The following LRP2 variants were observed in gnomAD, a reference collection of about 807,000 sequenced individuals.
The protein encoded by LRP2 is low-density lipoprotein receptor-related protein 2.
Under a neutral mutation model 531.0 loss-of-function variants are expected in LRP2, and 172 were observed. That is an observed-to-expected ratio of 0.32 (90% confidence interval 0.29 to 0.37). The LOEUF (loss-of-function observed/expected upper bound fraction) is 0.37. Among genes scored for constraint, LRP2 ranks in the 10% least tolerant of loss-of-function variants. The probability of loss-of-function intolerance (pLI) is 1.00; values close to 1 mark genes in which losing one functional copy is unlikely to be tolerated. For synonymous variants in LRP2, 1,992 were observed against 2,027.6 expected (o/e 0.98, Z 0.47); for missense variants, 5,167 against 5,868.3 (o/e 0.88, Z 3.90).
rs375687967 is a variant in LRP2 at position 169,193,742 on chromosome 2, A to C, written c.8830+19T>G. 78 of 1,613,964 alleles carry C rather than the reference A, an allele frequency of 4.8e-5. No homozygotes were observed. Among genetic ancestry groups the C allele is most frequent in the Non-Finnish European group, 6.4e-5 (76 of 1,179,940 alleles). On this transcript the variant is annotated intron_variant, in intron 47 of 78. Transcript: ENST00000649046. ...CCCTGGAATGTGACTCTGCAGAGGA[A>C]TTAATTGGCTTCACTTACGACACTG...
At chr2:169,308,005 A>G (rs1684474186) in intron 3 of LRP2, among the ~76,000 whole-genome samples, 1 of 152,170 alleles carries the variant, frequency 6.6e-6, no homozygotes, top group African/African-American at 2.4e-5. Flanking sequence ...AATCCAGTGA[A>G]CTGATGCCCG....
Position 169,172,150 on chromosome 2 carries a change from T to C in LRP2, c.11144-16A>G. 1 of 1,614,064 alleles carries C rather than the reference T, an allele frequency of 6.2e-7. No homozygotes were observed. The highest frequency in any genetic ancestry group is 8.5e-7 in the Non-Finnish European group (1 of 1,179,946). On this transcript the variant is annotated splice_polypyrimidine_tract_variant and intron_variant, in intron 57 of 78. Coordinates refer to ENST00000649046, the MANE Select transcript of LRP2 (RefSeq NM_004525.3). ...GTCCTCTCCTCTGCAAAGCAGTCAT[T>C]GCAAAGACTTCATAAACCATTGGCA...
At chr2:169,292,492 T>C in intron 6 of LRP2, 123 bp from the exon 7 acceptor site, 1 of 719,440 alleles carries the variant, frequency 1.4e-6, no homozygotes, top group Non-Finnish European at 2.5e-6. Context: ...TTTAATCCCT[T>C]AGACATCTTG....
intron 36 of LRP2, 106 bp from the exon 37 acceptor site, chr2:169,212,313 A>G: frequency 7.0e-7 from 1 of 1,422,994 alleles, no homozygotes; most frequent in Non-Finnish European, 9.9e-7. Context: ...AAAAATTAAT[A>G]ACCAACATAT....
intron 63 of LRP2, among the ~76,000 whole-genome samples, chr2:169,160,524 A>G (rs560639030): frequency 6.6e-6 from 1 of 152,256 alleles, no homozygotes; most frequent in African/African-American, 2.4e-5. Flanking sequence ...AAAGGCAAAT[A>G]AATTAACAGC....
intron 63 of LRP2, among the ~76,000 whole-genome samples, chr2:169,158,087 C>CAA: frequency 6.6e-6 from 1 of 151,276 alleles, no homozygotes; most frequent in Non-Finnish European, 1.5e-5. Flanking sequence ...CACACACACA[C>CAA]ACACACACAC....
chr2:169,340,125 T>C lies in LRP2; in HGVS notation c.80-19241A>G, dbSNP rs528496282. Among the ~76,000 whole-genome samples the C allele has an allele frequency of 2.8e-4, 42 of 152,282 alleles. No individual in the cohort carries two copies. In the East Asian group the frequency reaches 3.1e-3, roughly 11 times the overall value. On this transcript the variant is annotated intron_variant, in intron 1 of 78. Coordinates refer to ENST00000649046, the MANE Select transcript of LRP2 (RefSeq NM_004525.3). Reference sequence around the variant, plus strand: ...TTATCCTTCTTCATATAATAGTTCCTCAAATATTTGGAGAGCTAACCATTG... The same window carrying C: ...TTATCCTTCTTCATATAATAGTTCCCCAAATATTTGGAGAGCTAACCATTG...
chr2:169,192,553 C>T (rs894733498), intron 47 of LRP2, among the ~76,000 whole-genome samples: 1 of 152,096 alleles, frequency 6.6e-6, no homozygotes, highest in Non-Finnish European at 1.5e-5. Context: ...AAATTTAGTG[C>T]TTTTCCAACT....
intron 48 of LRP2, among the ~76,000 whole-genome samples, chr2:169,188,944 G>T (rs913755128): frequency 6.6e-6 from 1 of 152,196 alleles, no homozygotes; most frequent in Non-Finnish European, 1.5e-5. Context: ...ATAAAGGCAA[G>T]CTAGTAGGTT....
chr2:169,305,334 A>G (rs548047379), intron 4 of LRP2, among the ~76,000 whole-genome samples: 5 of 152,348 alleles, frequency 3.3e-5, no homozygotes, highest in Admixed American at 2.6e-4. Flanking sequence ...TTTGAAATGT[A>G]CAGTGACTAG....
intron 4 of LRP2, among the ~76,000 whole-genome samples, chr2:169,306,264 T>C (rs1461239350): frequency 6.6e-6 from 1 of 152,146 alleles, no homozygotes; most frequent in African/African-American, 2.4e-5. Flanking sequence ...CCAGACACAG[T>C]GGCTCATGCC....
intron 2 of LRP2, among the ~76,000 whole-genome samples, chr2:169,319,959 A>G (rs1684867084): frequency 6.6e-6 from 1 of 152,202 alleles, no homozygotes; most frequent in Non-Finnish European, 1.5e-5. Flanking sequence ...CCAACAATTC[A>G]AAACAAAAAT....
rs757735683 is a variant in LRP2 at position 169,193,864 on chromosome 2, A to G, written c.8727T>C (p.Asp2909=). 2.5e-6 allele frequency: 4 copies of G among 1,614,176 alleles called. No individual in the cohort carries two copies. Among genetic ancestry groups the G allele is most frequent in the Non-Finnish European group, 3.4e-6 (4 of 1,180,006 alleles). ...CGHSERTCLA[D]EFKCDGGRCI... Reference sequence around the variant, plus strand: ...ACCTCCCACCATCACACTTGAACTCATCAGCTAGGCATGTTCGCTCAGAGT... The same window carrying G: ...ACCTCCCACCATCACACTTGAACTCGTCAGCTAGGCATGTTCGCTCAGAGT... Residue 2909 remains aspartate (D), a synonymous_variant, in exon 47 of 79, where the codon GAT becomes GAC. Coordinates refer to ENST00000649046, the MANE Select transcript of LRP2 (RefSeq NM_004525.3).
rs955275980 is a variant in LRP2, at chr2:169,202,701, A to C, written c.8209+55T>G. On this transcript the variant is annotated intron_variant, in intron 43 of 78. Transcript: ENST00000649046. ...CACATAGCAGGATTCCATACCAAAC[A>C]CTTGACATCAAGATGCCATTAGCTC... 5 of 1,554,176 alleles carry C rather than the reference A, an allele frequency of 3.2e-6. No homozygotes were observed. The African/African-American group carries it at 4.1e-5, about 13-fold the overall frequency.
intron 17 of LRP2, 40 bp from the exon 18 acceptor site, chr2:169,257,289 G>C: frequency 6.2e-7 from 1 of 1,603,572 alleles, no homozygotes; most frequent in Non-Finnish European, 8.5e-7. Context: ...TTAACACTGG[G>C]ACAAACTACA....
chr2:169,226,661 T>C, intron 31 of LRP2, 73 bp from the exon 32 acceptor site: 22 of 1,128,528 alleles, frequency 1.9e-5, no homozygotes, highest in Non-Finnish European at 2.8e-5. Flanking sequence ...TGGAAGGCAA[T>C]AGCCTGTTAC....
rs532547326 is a variant in LRP2, at chr2:169,165,017, A to G, written c.11758+915T>C. 3.9e-4 allele frequency among the ~76,000 whole-genome samples: 59 copies of G among 152,342 alleles called. 2 individuals carry two copies. In the East Asian group the frequency reaches 0.011, roughly 27 times the overall value. On this transcript the variant is annotated intron_variant, in intron 62 of 78. Coordinates refer to ENST00000649046, the MANE Select transcript of LRP2 (RefSeq NM_004525.3). ...ATTAATGCTATAATGTATTAATGCTATCTCTGCCAGTAATAATGATAACAG... is the reference window on the plus strand; with the variant it reads ...ATTAATGCTATAATGTATTAATGCTGTCTCTGCCAGTAATAATGATAACAG...
intron 63 of LRP2, among the ~76,000 whole-genome samples, chr2:169,162,162 C>T (rs1686612102): frequency 6.6e-6 from 1 of 152,206 alleles, no homozygotes; most frequent in African/African-American, 2.4e-5. Flanking sequence ...AGTTCAAATC[C>T]TGAGTCAACC....
Position 169,181,606 on chromosome 2 carries a change from C to G in LRP2, c.10011G>C (p.Trp3337Cys). The G allele has an allele frequency of 6.2e-7, 1 of 1,614,050 alleles. No homozygotes were observed. The highest frequency in any genetic ancestry group is 8.5e-7 in the Non-Finnish European group (1 of 1,180,014). Reference protein sequence around the residue: ...ALHPQYGYLYWADWGHRAYIG... With the variant: ...ALHPQYGYLYCADWGHRAYIG... The stretch of plus-strand genomic sequence containing the variant: ...TGTATGCGCGGTGACCCCAGTCTGC[C>G]CAGTAGAGGTACCTGTCAGGGCAAA... Residue 3337 changes from tryptophan (W) to cysteine (C), a missense_variant, in exon 52 of 79, where the codon TGG (tryptophan) becomes TGC (cysteine). Coordinates refer to ENST00000649046, the MANE Select transcript of LRP2 (RefSeq NM_004525.3).
Sources: allele counts gnomAD v4.1 joint callset (sites outside exome capture counted in the v4.1 genomes callset), GRCh38; gene constraint gnomAD v4.1.1; transcripts MANE v1.5; gene names NCBI Gene and HGNC (gene_info 2026-07-23, HGNC 2026-07-21).